Variants in CSMD1 observed in about 807,000 individuals in gnomAD.
CSMD1 encodes CUB and sushi domain-containing protein 1.
Under a neutral mutation model 417.5 loss-of-function variants are expected in CSMD1, and 213 were observed. The observed-to-expected ratio is 0.51, with a 90% confidence interval of 0.46 to 0.57. CSMD1 has a LOEUF of 0.57. Among genes scored for constraint, CSMD1 ranks in the 20% least tolerant of loss-of-function variants. The probability of loss-of-function intolerance (pLI) is 0.00; values close to 1 mark genes in which losing one functional copy is unlikely to be tolerated. For missense variants in CSMD1, 6,923 were observed against 4,529.7 expected (o/e 1.53, Z -15.17); for synonymous variants, 2,862 against 1,736.8 (o/e 1.65, Z -16.11).
intron 8 of CSMD1, among the ~76,000 whole-genome samples, chr8:3,596,587 G>T (rs1259473801): frequency 6.6e-6 from 1 of 151,774 alleles, no homozygotes; most frequent in Non-Finnish European, 1.5e-5. Context: ...AGACTGTTCG[G>T]CAAATATTTC....
intron 3 of CSMD1, among the ~76,000 whole-genome samples, chr8:4,195,240 A>G (rs1240354260): frequency 6.6e-6 from 1 of 152,164 alleles, no homozygotes; most frequent in Non-Finnish European, 1.5e-5. Flanking sequence ...CAGATTTTTT[A>G]ATTTGTTTTT....
intron 3 of CSMD1, among the ~76,000 whole-genome samples, chr8:4,179,931 G>C (rs1229151223): frequency 2.0e-5 from 3 of 152,116 alleles, no homozygotes; most frequent in East Asian, 3.9e-4. Flanking sequence ...GGAAACAAAA[G>C]GTGCTGGAGA....
intron 11 of CSMD1, among the ~76,000 whole-genome samples, chr8:3,483,699 T>C (rs1346242358): frequency 2.6e-5 from 4 of 152,152 alleles, no homozygotes; most frequent in Non-Finnish European, 5.9e-5. Flanking sequence ...GAGAAAACTA[T>C]AGACCGATAT....
intron 3 of CSMD1, among the ~76,000 whole-genome samples, chr8:4,151,864 C>G (rs1796588247): frequency 6.6e-6 from 1 of 152,056 alleles, no homozygotes; most frequent in Non-Finnish European, 1.5e-5. Context: ...TGTACCTTTT[C>G]TATTGCAGGC....
At chr8:4,071,613 A>G (rs1280846458) in intron 3 of CSMD1, among the ~76,000 whole-genome samples, 1 of 151,978 alleles carries the variant, frequency 6.6e-6, no homozygotes, top group Non-Finnish European at 1.5e-5. Flanking sequence ...GGGGCCTTTT[A>G]GTTTTTAATT....
At chr8:3,452,848 G>C (rs1815839929) in intron 12 of CSMD1, among the ~76,000 whole-genome samples, 1 of 152,202 alleles carries the variant, frequency 6.6e-6, no homozygotes, top group Non-Finnish European at 1.5e-5. Context: ...AGTTAGGGAG[G>C]ATTCCCTCTT....
chr8:2,947,621 G>C (rs1345310654), intron 68 of CSMD1, among the ~76,000 whole-genome samples: 1 of 151,490 alleles, frequency 6.6e-6, no homozygotes, highest in Non-Finnish European at 1.5e-5. Context: ...AAATTCATTG[G>C]ATCAGTCAAC....
chr8:4,509,806 T>C (rs1802718551), intron 2 of CSMD1, among the ~76,000 whole-genome samples: 1 of 152,140 alleles, frequency 6.6e-6, no homozygotes, highest in African/African-American at 2.4e-5. Flanking sequence ...ATGACAGATA[T>C]GGAAACTGAA....
At chr8:3,319,104 A>G (rs1387979886) in intron 23 of CSMD1, among the ~76,000 whole-genome samples, 1 of 152,214 alleles carries the variant, frequency 6.6e-6, no homozygotes, top group African/African-American at 2.4e-5. Flanking sequence ...TGTGTCTTGC[A>G]TCCAGATAAT....
At chr8:3,801,906 A>G (rs1800478041) in intron 5 of CSMD1, among the ~76,000 whole-genome samples, 1 of 152,098 alleles carries the variant, frequency 6.6e-6, no homozygotes. Flanking sequence ...TATAATACCC[A>G]ATGCCTAGGG....
At chr8:4,909,638 C>T (rs1176571247) in intron 1 of CSMD1, among the ~76,000 whole-genome samples, 1 of 152,152 alleles carries the variant, frequency 6.6e-6, no homozygotes, top group Non-Finnish European at 1.5e-5. Context: ...GAAGTAAAGG[C>T]AATGAGTGTA....
intron 1 of CSMD1, among the ~76,000 whole-genome samples, chr8:4,734,657 A>G (rs1354875537): frequency 6.6e-6 from 1 of 152,198 alleles, no homozygotes; most frequent in African/African-American, 2.4e-5. Flanking sequence ...TTATTTTAAC[A>G]ATGATTCTTA....
chr8:4,047,140 G>C (rs187638196), intron 3 of CSMD1, among the ~76,000 whole-genome samples: 125 of 152,270 alleles, frequency 8.2e-4, no homozygotes, highest in African/African-American at 3.0e-3. Context: ...AAGCAGAGCA[G>C]CCTGCAACGG....
chr8:3,170,704 G>A (rs1355212029), intron 37 of CSMD1, among the ~76,000 whole-genome samples: 1 of 152,198 alleles, frequency 6.6e-6, no homozygotes, highest in African/African-American at 2.4e-5. Context: ...ATACAAAGCA[G>A]TTCATAAATA....
At chr8:3,210,602 G>A (rs1041921217) in intron 30 of CSMD1, among the ~76,000 whole-genome samples, 2 of 147,410 alleles carry the variant, frequency 1.4e-5, no homozygotes, top group South Asian at 2.1e-4. Context: ...ATATAGGTGT[G>A]TGTATAAATA....
intron 33 of CSMD1, among the ~76,000 whole-genome samples, chr8:3,191,541 A>G (rs1241106842): frequency 6.6e-5 from 10 of 152,172 alleles, no homozygotes; most frequent in Admixed American, 6.5e-4. Context: ...GGAGGCCTTC[A>G]TTGTTGCAGC....
intron 3 of CSMD1, among the ~76,000 whole-genome samples, chr8:4,167,125 G>C (rs570461016): frequency 1.3e-5 from 2 of 152,150 alleles, no homozygotes; most frequent in Non-Finnish European, 2.9e-5. Context: ...ATAAACCCAA[G>C]ATGTTACTTA....
chr8:3,507,624 G>C (rs981629900), intron 10 of CSMD1, among the ~76,000 whole-genome samples: 2 of 152,212 alleles, frequency 1.3e-5, no homozygotes, highest in Admixed American at 6.5e-5. Context: ...CCCACCAACA[G>C]TGTAAAAGTG....
chr8:4,348,191 A>G (rs1382781900), intron 3 of CSMD1, among the ~76,000 whole-genome samples: 2 of 152,162 alleles, frequency 1.3e-5, no homozygotes, highest in African/African-American at 4.8e-5. Flanking sequence ...TGGATATGGC[A>G]TTGTGCTGGG....
Sources: allele counts gnomAD v4.1 joint callset (sites outside exome capture counted in the v4.1 genomes callset), GRCh38; gene constraint gnomAD v4.1.1; transcripts MANE v1.5; gene names NCBI Gene and HGNC (gene_info 2026-07-23, HGNC 2026-07-21).